CSRP2: variants seen among roughly 807,000 people sequenced by gnomAD.
CSRP2 encodes the protein cysteine and glycine-rich protein 2.
A neutral mutation model predicts 24.6 loss-of-function variants in CSRP2; 18 were observed. The observed-to-expected ratio is 0.73, with a 90% CI of 0.51 to 1.09. CSRP2 has a LOEUF of 1.09. Among genes scored for constraint, CSRP2 ranks in the 50% least tolerant of loss-of-function variants. The pLI is 0.00. For synonymous variants in CSRP2, 87 were observed against 84.3 expected, an observed-to-expected ratio of 1.03 and a Z score of -0.18; for missense variants, 215 against 239.4, an observed-to-expected ratio of 0.90 and a Z score of 0.67.
In CSRP2 at chr12:76,859,131, T is replaced by G. The variant is rs552787075; in HGVS notation, c.506-103A>C. On this transcript the variant is annotated intron_variant, in intron 5 of 5. Coordinates refer to ENST00000311083, the MANE Select transcript of CSRP2 (RefSeq NM_001321.3). Reference sequence around the variant, plus strand: ...AACCCCCATAAATTAAACTGCTGTGTAAAAGAGCTCAACTTATTTAAGATG... The same window carrying G: ...AACCCCCATAAATTAAACTGCTGTGGAAAAGAGCTCAACTTATTTAAGATG... The G allele has an allele frequency of 2.0e-5, 17 of 867,790 alleles. No homozygotes were observed. In the East Asian group the frequency reaches 3.7e-4, roughly 19 times the overall value. The allele number at this position is 867,790 out of a possible 1,614,324, so 53.8% of individuals were successfully genotyped here. A position where few individuals can be genotyped will look rare whatever the true frequency, so the allele number is the denominator to read the frequency against.
At chr12:76,877,083 C>T (rs11115946) in intron 1 of CSRP2, among the ~76,000 whole-genome samples, 41,694 of 152,168 alleles carry the variant, frequency 0.27, 6,735 homozygotes, top group East Asian at 0.53. Flanking sequence ...CATGCCTCCT[C>T]TCCCATAGGG....
chr12:76,862,961 T>C (rs1953698752), intron 3 of CSRP2: 1 of 1,479,480 alleles, frequency 6.8e-7, no homozygotes, highest in Non-Finnish European at 8.9e-7. Context: ...CTTGGAATGC[T>C]ATAAAGCCAG....
intron 3 of CSRP2, chr12:76,862,833 A>G: frequency 6.6e-7 from 1 of 1,514,672 alleles, no homozygotes; most frequent in Non-Finnish European, 8.8e-7. Flanking sequence ...AACACCTCTC[A>G]TGATTCACAC....
intron 1 of CSRP2, among the ~76,000 whole-genome samples, chr12:76,867,471 T>C (rs1006754988): frequency 6.6e-6 from 1 of 151,988 alleles, no homozygotes; most frequent in African/African-American, 2.4e-5. Flanking sequence ...ATTGTACCAC[T>C]GCACTCCAGC....
At chr12:76,860,608 C>T (rs914446828) in intron 3 of CSRP2, 195 bp from the exon 4 acceptor site, 10 of 509,344 alleles carry the variant, frequency 2.0e-5, no homozygotes, top group Non-Finnish European at 3.1e-5. Context: ...TTGAACCTAT[C>T]TATGGGCTCA....
chr12:76,869,578 A>ACACC (rs1420575005), intron 1 of CSRP2, among the ~76,000 whole-genome samples: 19 of 138,990 alleles, frequency 1.4e-4, no homozygotes, highest in East Asian at 2.2e-4. Context: ...ACACACACAC[A>ACACC]CCCCTGACTG....
intron 4 of CSRP2, 79 bp downstream of exon 4, chr12:76,860,205 C>G: frequency 6.9e-7 from 1 of 1,449,148 alleles, no homozygotes; most frequent in South Asian, 1.4e-5. Flanking sequence ...ATCACCCAAG[C>G]AAGGAATGTG....
intron 2 of CSRP2, chr12:76,864,825 T>C (rs1426524417): frequency 6.6e-6 from 1 of 152,202 alleles, no homozygotes; most frequent in Non-Finnish European, 1.5e-5. Flanking sequence ...CTGAAATACA[T>C]GTGCCTAAAG....
chr12:76,870,975 C>CAAAA (rs398020213), intron 1 of CSRP2, among the ~76,000 whole-genome samples: 854 of 56,912 alleles, frequency 0.015, 58 homozygotes, highest in African/African-American at 0.037. Context: ...GACCCTGTCT[C>CAAAA]AAAAAAAAAA....
In CSRP2 at chr12:76,862,703, G is replaced by T. The variant is rs551582933; in HGVS notation, c.281+473C>A. The stretch of plus-strand genomic sequence containing the variant: ...TCTCTCAAAGAATCAAAAATAAGAA[G>T]TAATTTCCATTTTTAAGTAAAAAAT... On this transcript the variant is annotated intron_variant, in intron 3 of 5. Coordinates refer to ENST00000311083, the MANE Select transcript of CSRP2 (RefSeq NM_001321.3). 19 of 1,258,326 alleles carry T rather than the reference G, an allele frequency of 1.5e-5. 1 individual carries two copies. In the South Asian group the frequency reaches 4.2e-4, roughly 28 times the overall value. 77.9% of individuals were successfully genotyped at this position (1,258,326 alleles called of 1,614,324 possible). A position where few individuals can be genotyped will look rare whatever the true frequency, so the allele number is the denominator to read the frequency against.
chr12:76,864,671 A>G (rs1328708866), intron 2 of CSRP2: 1 of 151,918 alleles, frequency 6.6e-6, no homozygotes, highest in African/African-American at 2.4e-5. Context: ...AGGAAGGAGG[A>G]CAAAAGGAAG....
rs1953709590 is a variant in CSRP2, at chr12:76,863,941, T to A, written c.113-597A>T. The A allele has an allele frequency of 2.0e-5, 3 of 152,242 alleles. No homozygotes were observed. The South Asian group carries it at 6.2e-4, about 31-fold the overall frequency. 9.4% of individuals were successfully genotyped at this position (152,242 alleles called of 1,614,324 possible). A position where few individuals can be genotyped will look rare whatever the true frequency, so the allele number is the denominator to read the frequency against. ...TTTAAATCCTGAATTCTAGTTTTCATCACTAGTCTAGACTGGGAAGTATCA... is the reference window on the plus strand; with the variant it reads ...TTTAAATCCTGAATTCTAGTTTTCAACACTAGTCTAGACTGGGAAGTATCA... On this transcript the variant is annotated intron_variant, in intron 2 of 5. Transcript: ENST00000311083.
rs1437728635 is a variant in CSRP2 at position 76,863,337 on chromosome 12, G to A, written c.120C>T (p.Cys40=). ...FHRCCFLCMV[C]RKNLDSTTVA... ...CTGTTGTGCTATCTAAATTTTTCCTGCAAACCACTGCAGGGGAAAAAGTTA... is the reference window on the plus strand; with the variant it reads ...CTGTTGTGCTATCTAAATTTTTCCTACAAACCACTGCAGGGGAAAAAGTTA... Residue 40 remains cysteine (C), a synonymous_variant, in exon 3 of 6, where the codon TGC becomes TGT. Transcript: ENST00000311083. 1.1e-5 allele frequency: 17 copies of A among 1,613,732 alleles called. No individual in the cohort carries two copies. Among genetic ancestry groups the A allele is most frequent in the Non-Finnish European group, 1.4e-5 (16 of 1,179,952 alleles).
At chr12:76,874,667 G>T (rs2137838399) in intron 1 of CSRP2, among the ~76,000 whole-genome samples, 1 of 152,252 alleles carries the variant, frequency 6.6e-6, no homozygotes. Flanking sequence ...CTGGTCTGTG[G>T]CCTGCTAGGA....
intron 2 of CSRP2, chr12:76,863,572 T>G: frequency 4.5e-6 from 2 of 445,428 alleles, no homozygotes; most frequent in Non-Finnish European, 7.9e-6. Context: ...CAGAAATGTA[T>G]CAGAATATAA....
intron 2 of CSRP2, chr12:76,863,545 G>T: frequency 4.2e-6 from 2 of 480,546 alleles, no homozygotes; most frequent in South Asian, 9.0e-5. Flanking sequence ...ATTCCTCCAT[G>T]GATATGACAG....
At chr12:76,864,346 C>T (rs1387381529) in intron 2 of CSRP2, 2 of 151,270 alleles carry the variant, frequency 1.3e-5, no homozygotes, top group South Asian at 2.1e-4. Flanking sequence ...GGTAGGGTGT[C>T]GGGAAGGAAG....
At chr12:76,867,992 A>G (rs913223374) in intron 1 of CSRP2, among the ~76,000 whole-genome samples, 1 of 152,188 alleles carries the variant, frequency 6.6e-6, no homozygotes, top group African/African-American at 2.4e-5. Context: ...TCCAGCACTC[A>G]GTATTCTCTT....
chr12:76,874,371 T>C (rs562032960), intron 1 of CSRP2, among the ~76,000 whole-genome samples: 2 of 152,352 alleles, frequency 1.3e-5, no homozygotes, highest in East Asian at 3.9e-4. Context: ...CAAAGCTAGT[T>C]ATCAGCTATG....
Sources: gnomAD v4.1 joint callset for allele counts (sites outside exome capture counted in the v4.1 genomes callset) on GRCh38, gnomAD v4.1.1 for gene constraint, MANE v1.5 for transcripts, NCBI Gene and HGNC (gene_info 2026-07-23, HGNC 2026-07-21) for gene names.